Variants in RAPGEF2 observed in about 807,000 individuals in gnomAD.
The protein encoded by RAPGEF2 is PDZ domain containing guanine nucleotide exchange factor (GEF) 1.
RAPGEF2 carries 54 observed loss-of-function variants against 186.7 expected under a neutral mutation model. The ratio of observed to expected loss-of-function variants is 0.29; its 90% CI spans 0.23 to 0.36. The LOEUF is 0.36. RAPGEF2 is among the 10% of genes least tolerant of loss of function. The pLI is 1.00. For missense variants in RAPGEF2, 1,532 were observed against 2,045.0 expected, an observed-to-expected ratio of 0.75 and a Z score of 4.84; for synonymous variants, 712 against 705.9, an observed-to-expected ratio of 1.01 and a Z score of -0.14.
At chr4:159,268,492 C>G (rs1206077348) in intron 7 of RAPGEF2, among the ~76,000 whole-genome samples, 3 of 152,128 alleles carry the variant, frequency 2.0e-5, no homozygotes, top group Non-Finnish European at 4.4e-5. Context: ...TAAAGCTTGA[C>G]AGTTCAGCTT....
intron 4 of RAPGEF2, among the ~76,000 whole-genome samples, chr4:159,224,932 A>C (rs1469587460): frequency 1.3e-5 from 2 of 152,242 alleles, no homozygotes; most frequent in African/African-American, 4.8e-5. Flanking sequence ...ATGGCTTCAG[A>C]TCTTTGAATT....
intron 9 of RAPGEF2, among the ~76,000 whole-genome samples, chr4:159,317,159 A>G (rs1455944048): frequency 6.6e-6 from 1 of 152,164 alleles, no homozygotes; most frequent in East Asian, 1.9e-4. Flanking sequence ...CTATATACAT[A>G]TTCTAGGAAA....
intron 7 of RAPGEF2, among the ~76,000 whole-genome samples, chr4:159,255,390 C>T (rs1022013039): frequency 6.6e-6 from 1 of 151,364 alleles, no homozygotes; most frequent in Non-Finnish European, 1.5e-5. Context: ...TTTGTGCTGC[C>T]TTCAGTCTTT....
intron 4 of RAPGEF2, among the ~76,000 whole-genome samples, chr4:159,235,198 A>T (rs1167538128): frequency 6.6e-6 from 1 of 151,852 alleles, no homozygotes; most frequent in Non-Finnish European, 1.5e-5. Context: ...TATAGATTTG[A>T]TTTTCTATAA....
chr4:159,355,344 A>C (rs901810290), intron 28 of RAPGEF2, among the ~76,000 whole-genome samples: 7 of 152,134 alleles, frequency 4.6e-5, no homozygotes, highest in African/African-American at 1.7e-4. Flanking sequence ...TGTTTCTGTA[A>C]GTGAAGTCTT....
At position 159,343,502 on chromosome 4, in the gene RAPGEF2, T is replaced by G. The variant is rs777078656; in HGVS notation, c.3254+98T>G. On this transcript the variant is annotated intron_variant, in intron 22 of 29. Transcript: ENST00000691494. ...TTTTTAAAGTTTGAGTATTTATATT[T>G]GTAGTACGGCAGAAATTATAGTAGG... 223 of 1,472,516 alleles carry G rather than the reference T, an allele frequency of 1.5e-4. 1 individual carries two copies. The highest frequency in any genetic ancestry group is 2.0e-4 in the Non-Finnish European group (213 of 1,082,570). The allele number at this position is 1,472,516 out of a possible 1,614,324, so 91.2% of individuals were successfully genotyped here.
rs1016456970 is a variant in RAPGEF2, at chr4:159,304,287, T to G, written c.544-55T>G. On this transcript the variant is annotated intron_variant, in intron 7 of 29. Transcript: ENST00000691494. Reference sequence around the variant, plus strand: ...TATGATATTTTAATTTTAAAATGTCTTCTTGGAGTTCTTGATTCAGATTGT... The same window carrying G: ...TATGATATTTTAATTTTAAAATGTCGTCTTGGAGTTCTTGATTCAGATTGT... 4 of 1,473,586 alleles carry G rather than the reference T, an allele frequency of 2.7e-6. No individual in the cohort carries two copies. The African/African-American group carries it at 5.7e-5, about 21-fold the overall frequency. 91.3% of individuals were successfully genotyped at this position (1,473,586 alleles called of 1,614,324 possible).
chr4:159,128,961 T>TAA (rs1553996512), intron 1 of RAPGEF2: 36 of 146,556 alleles, frequency 2.5e-4, no homozygotes, highest in Non-Finnish European at 4.8e-4. Context: ...TATATATATA[T>TAA]AAATCTATTT....
intron 4 of RAPGEF2, chr4:159,228,114 G>C (rs1487275336): frequency 1.3e-5 from 2 of 152,186 alleles, no homozygotes; most frequent in Admixed American, 1.3e-4. Flanking sequence ...TATGCGAAAA[G>C]AGTGCCCATA....
rs1022306279 is a variant in RAPGEF2 at position 159,152,599 on chromosome 4, C to T, written c.70-34043C>T. On this transcript the variant is annotated intron_variant, in intron 1 of 29. Coordinates refer to ENST00000691494, the MANE Select transcript of RAPGEF2 (RefSeq NM_001394067.2). ...CTTGTAATATCCCCTACTGAGTTTC[C>T]CCTGTTAAAAACTTTTTTTTGTTTT... 2.0e-5 allele frequency among the ~76,000 whole-genome samples: 3 copies of T among 152,054 alleles called. No individual in the cohort carries two copies. The East Asian group carries it at 5.8e-4, about 29-fold the overall frequency.
At chr4:159,194,184 G>A (rs1385294110) in intron 3 of RAPGEF2, among the ~76,000 whole-genome samples, 4 of 152,174 alleles carry the variant, frequency 2.6e-5, no homozygotes, top group African/African-American at 4.8e-5. Context: ...GTGCTGGGAC[G>A]CAGAGAGGTG....
chr4:159,244,877 A>T (rs1027891203), intron 7 of RAPGEF2, among the ~76,000 whole-genome samples: 2 of 152,108 alleles, frequency 1.3e-5, no homozygotes, highest in Admixed American at 1.3e-4. Context: ...TGATGTGGTA[A>T]ATCTAAAACA....
At chr4:159,228,932 G>A (rs1752325792) in intron 4 of RAPGEF2, among the ~76,000 whole-genome samples, 2 of 152,164 alleles carry the variant, frequency 1.3e-5, no homozygotes, top group South Asian at 2.1e-4. Context: ...GATGGCATCA[G>A]CAGTTACTTG....
intron 3 of RAPGEF2, among the ~76,000 whole-genome samples, chr4:159,201,102 G>A (rs189764342): frequency 9.2e-5 from 14 of 152,238 alleles, no homozygotes; most frequent in Admixed American, 6.5e-4. Context: ...TTACTGTGCT[G>A]TGTTGCATTA....
chr4:159,104,450 C>T (rs766995952), intron 1 of RAPGEF2, among the ~76,000 whole-genome samples: 3 of 150,616 alleles, frequency 2.0e-5, no homozygotes, highest in Non-Finnish European at 4.4e-5. Context: ...CTTAACTCTT[C>T]CCTCCCCATG....
intron 1 of RAPGEF2, among the ~76,000 whole-genome samples, chr4:159,158,759 T>G (rs992893151): frequency 6.6e-6 from 1 of 152,218 alleles, no homozygotes; most frequent in African/African-American, 2.4e-5. Context: ...TTGAATCAAC[T>G]GAGAAGGGTG....
In RAPGEF2 at chr4:159,323,624, AAT is replaced by A; in HGVS notation, c.1149+12_1149+13del. The A allele has an allele frequency of 6.8e-7, 1 of 1,465,720 alleles. No individual in the cohort carries two copies. Among genetic ancestry groups the A allele is most frequent in the Non-Finnish European group, 9.1e-7 (1 of 1,101,686 alleles). The allele number at this position is 1,465,720 out of a possible 1,614,324, so 90.8% of individuals were successfully genotyped here. On this transcript the variant is annotated splice_region_variant and intron_variant, in intron 11 of 29. Transcript: ENST00000691494. ...AAAGGTGGATGACTGCCAGGTATAAAATATATCATTAAAAATATATATTTTAT... is the reference window on the plus strand; with the variant it reads ...AAAGGTGGATGACTGCCAGGTATAAAATATCATTAAAAATATATATTTTAT...
chr4:159,231,363 T>C (rs903317772), intron 4 of RAPGEF2, among the ~76,000 whole-genome samples: 1 of 152,110 alleles, frequency 6.6e-6, no homozygotes, highest in Non-Finnish European at 1.5e-5. Context: ...ATATATATTA[T>C]TACTCACACA....
At chr4:159,220,633 A>T (rs1751442235) in intron 4 of RAPGEF2, among the ~76,000 whole-genome samples, 1 of 152,136 alleles carries the variant, frequency 6.6e-6, no homozygotes, top group Admixed American at 6.5e-5. Context: ...TCTGTCTGGG[A>T]TATCCACCAC....
Sources: allele counts gnomAD v4.1 joint callset (sites outside exome capture counted in the v4.1 genomes callset), GRCh38; gene constraint gnomAD v4.1.1; transcripts MANE v1.5; gene names NCBI Gene and HGNC (gene_info 2026-07-23, HGNC 2026-07-21).